HLCS: variants seen among roughly 807,000 people sequenced by gnomAD.
The protein encoded by HLCS is holocarboxylase synthetase.
Under a neutral mutation model 75.0 loss-of-function variants are expected in HLCS, and 53 were observed. The observed-to-expected ratio is 0.71, with a 90% CI of 0.57 to 0.89. HLCS has a LOEUF of 0.89. Among genes scored for constraint, HLCS ranks in the 40% least tolerant of loss-of-function variants. The pLI, the probability that HLCS is intolerant of heterozygous loss-of-function variation, is 0.00. For synonymous variants in HLCS, 431 were observed against 428.6 expected (o/e 1.01, Z -0.07); for missense variants, 966 against 1,074.0 (o/e 0.90, Z 1.41).
At chr21:36,826,484 C>T (rs569854288) in intron 6 of HLCS, among the ~76,000 whole-genome samples, 3 of 152,294 alleles carry the variant, frequency 2.0e-5, no homozygotes, top group East Asian at 1.9e-4. Flanking sequence ...AGGTGCTGAA[C>T]GAAACTCTGC....
chr21:36,774,007 C>T (rs1446049235), intron 6 of HLCS, among the ~76,000 whole-genome samples: 4 of 152,050 alleles, frequency 2.6e-5, no homozygotes, highest in Non-Finnish European at 4.4e-5. Flanking sequence ...TTTTTTTAAG[C>T]TACTTTCTAG....
chr21:36,931,593 T>C (rs765645253), intron 4 of HLCS, among the ~76,000 whole-genome samples: 5 of 151,608 alleles, frequency 3.3e-5, no homozygotes, highest in Non-Finnish European at 5.9e-5. Context: ...CTACAAAAAA[T>C]ACAAAAATTA....
intron 6 of HLCS, among the ~76,000 whole-genome samples, chr21:36,892,100 G>A (rs898366000): frequency 1.3e-5 from 2 of 152,166 alleles, no homozygotes; most frequent in African/African-American, 4.8e-5. Context: ...ACAGACTAGA[G>A]GGCTACTAAA....
intron 10 of HLCS, among the ~76,000 whole-genome samples, chr21:36,756,179 C>T (rs1434242103): frequency 6.6e-6 from 1 of 152,076 alleles, no homozygotes; most frequent in East Asian, 1.9e-4. Context: ...TGGCTCACAC[C>T]TGTAATCCCA....
chr21:36,883,783 G>T (rs1346879684), intron 6 of HLCS, among the ~76,000 whole-genome samples: 1 of 152,150 alleles, frequency 6.6e-6, no homozygotes, highest in Non-Finnish European at 1.5e-5. Flanking sequence ...AGCACCACCT[G>T]CTCTGACCTT....
chr21:36,873,495 C>T (rs1020409661), intron 6 of HLCS, among the ~76,000 whole-genome samples: 1 of 152,202 alleles, frequency 6.6e-6, no homozygotes, highest in East Asian at 1.9e-4. Context: ...CATTTTATTA[C>T]TGAGTTGTAG....
intron 6 of HLCS, among the ~76,000 whole-genome samples, chr21:36,856,358 C>A (rs995673158): frequency 6.6e-6 from 1 of 151,994 alleles, no homozygotes; most frequent in Non-Finnish European, 1.5e-5. Flanking sequence ...TAGGTGGGAC[C>A]CCTACAGGGT....
intron 6 of HLCS, among the ~76,000 whole-genome samples, chr21:36,820,223 G>A (rs1012525724): frequency 2.0e-5 from 3 of 151,808 alleles, no homozygotes; most frequent in South Asian, 2.1e-4. Flanking sequence ...GTGAGGCCCC[G>A]TGCCAGCTGC....
At chr21:36,919,518 C>T (rs956140930) in intron 5 of HLCS, among the ~76,000 whole-genome samples, 2 of 152,148 alleles carry the variant, frequency 1.3e-5, no homozygotes, top group African/African-American at 4.8e-5. Flanking sequence ...CAGAATGTGA[C>T]ACAGAAACAG....
At position 36,896,977 on chromosome 21, in the gene HLCS, G is replaced by C. The variant is rs774158239; in HGVS notation, c.1775C>G (p.Ala592Gly). ...SCIPVVTNME[A>G]FSSEHFNLEI... ...TAAGTTGAAATGTTCTGATGAGAAG[G>C]CCTCCATGTTGGTCACCACAGGTAT... is the stretch of plus-strand genomic sequence containing the variant. Residue 592 changes from alanine (A) to glycine (G), a missense_variant, in exon 6 of 11, where the codon GCC (alanine) becomes GGC (glycine). Transcript: ENST00000674895. The C allele has an allele frequency of 1.9e-6, 3 of 1,614,124 alleles. No homozygotes were observed. The South Asian group carries it at 3.3e-5, about 18-fold the overall frequency.
chr21:36,918,560 C>T (rs951207628), intron 5 of HLCS, among the ~76,000 whole-genome samples: 48 of 152,138 alleles, frequency 3.2e-4, no homozygotes. Context: ...AACATCAACC[C>T]GAGCTGAAAG....
intron 6 of HLCS, among the ~76,000 whole-genome samples, chr21:36,807,245 G>A (rs1362372928): frequency 6.6e-6 from 1 of 152,160 alleles, no homozygotes; most frequent in Non-Finnish European, 1.5e-5. Context: ...AACAAAGGCT[G>A]TGGACCACAG....
At chr21:36,981,704 C>T (rs1328998054) in intron 1 of HLCS, among the ~76,000 whole-genome samples, 1 of 152,010 alleles carries the variant, frequency 6.6e-6, no homozygotes, top group African/African-American at 2.4e-5. Flanking sequence ...CCGGCCTTAA[C>T]CTTCCTTTTC....
chr21:36,836,744 C>A (rs985932124), intron 6 of HLCS, among the ~76,000 whole-genome samples: 2 of 151,826 alleles, frequency 1.3e-5, no homozygotes, highest in South Asian at 4.2e-4. Context: ...ATTTATGCAG[C>A]CAAAAAACAC....
chr21:36,780,598 A>T (rs1050535551), intron 6 of HLCS, among the ~76,000 whole-genome samples: 2 of 152,148 alleles, frequency 1.3e-5, no homozygotes, highest in African/African-American at 4.8e-5. Context: ...ATGTATAGGC[A>T]TTTAGGTAGT....
intron 5 of HLCS, among the ~76,000 whole-genome samples, chr21:36,929,065 C>T: frequency 6.6e-6 from 1 of 152,180 alleles, no homozygotes; most frequent in East Asian, 1.9e-4. Flanking sequence ...TTATACTCAT[C>T]CTAAATACAC....
At chr21:36,920,103 C>A (rs945190061) in intron 5 of HLCS, among the ~76,000 whole-genome samples, 1 of 152,010 alleles carries the variant, frequency 6.6e-6, no homozygotes, top group Non-Finnish European at 1.5e-5. Context: ...GAAGCTGAGG[C>A]GGAAGAATTG....
rs2123553941 is a variant in HLCS, at chr21:36,754,044, A to G, written c.*202T>C. 1.6e-6 allele frequency: 1 copy of G among 631,772 alleles called. No individual in the cohort carries two copies. The highest frequency in any genetic ancestry group is 2.7e-6 in the Non-Finnish European group (1 of 368,122). The allele number at this position is 631,772 out of a possible 1,614,324, so 39.1% of individuals were successfully genotyped here. On this transcript the variant is annotated 3_prime_UTR_variant, in exon 11 of 11. Transcript: ENST00000674895. ...GGGCTTTCCCTAAACTAAATTTTCT[A>G]CTTCTTAACCATCTATCCCAGAGCC...
At chr21:36,839,899 G>A (rs180678076) in intron 6 of HLCS, among the ~76,000 whole-genome samples, 28 of 152,314 alleles carry the variant, frequency 1.8e-4, no homozygotes, top group Non-Finnish European at 3.1e-4. Flanking sequence ...TTTCGCTGGA[G>A]GCCAAGATGA....
Sources: allele counts gnomAD v4.1 joint callset (sites outside exome capture counted in the v4.1 genomes callset), GRCh38; gene constraint gnomAD v4.1.1; transcripts MANE v1.5; gene names NCBI Gene and HGNC (gene_info 2026-07-23, HGNC 2026-07-21).